Variants in COMMD10 observed in about 807,000 individuals in gnomAD.
The protein encoded by COMMD10 is COMM domain-containing protein 10.
Under a neutral mutation model 28.9 loss-of-function variants are expected in COMMD10, and 33 were observed. That is an observed-to-expected ratio of 1.14 (90% CI 0.87 to 1.53). The LOEUF is 1.53. COMMD10 is among the 40% of genes most tolerant of loss of function. The probability of loss-of-function intolerance (pLI) is 0.00; values close to 1 mark genes in which losing one functional copy is unlikely to be tolerated. For synonymous variants in COMMD10, 110 were observed against 81.7 expected, an observed-to-expected ratio of 1.35 and a Z score of -1.87; for missense variants, 310 against 233.4, an observed-to-expected ratio of 1.33 and a Z score of -2.14.
chr5:116,098,426 C>T (rs772594860), intron 4 of COMMD10, among the ~76,000 whole-genome samples: 3 of 152,138 alleles, frequency 2.0e-5, no homozygotes, highest in Non-Finnish European at 4.4e-5. Flanking sequence ...CCCTGGATTT[C>T]GTATTCATGG....
chr5:116,196,644 A>G (rs1010363294), intron 5 of COMMD10, among the ~76,000 whole-genome samples: 2 of 151,834 alleles, frequency 1.3e-5, no homozygotes, highest in Admixed American at 6.6e-5. Context: ...TTAAAAAAAG[A>G]AAAATGTTTA....
chr5:116,092,520 G>A, intron 3 of COMMD10, 25 bp from the exon 4 acceptor site: 1 of 1,524,080 alleles, frequency 6.6e-7, no homozygotes, highest in Non-Finnish European at 8.8e-7. Flanking sequence ...AGGGACATAT[G>A]TAATTTTTTG....
intron 5 of COMMD10, among the ~76,000 whole-genome samples, chr5:116,143,588 T>A (rs1752257215): frequency 6.6e-6 from 1 of 151,822 alleles, no homozygotes; most frequent in South Asian, 2.1e-4. Context: ...ACAGAATTTT[T>A]AAAACAGAAT....
chr5:116,133,956 C>T, intron 4 of COMMD10, 112 bp from the exon 5 acceptor site: 2 of 637,440 alleles, frequency 3.1e-6, no homozygotes, highest in South Asian at 1.9e-5. Flanking sequence ...AACTGACTTT[C>T]TGTGAAGCCT....
chr5:116,149,611 G>T lies in COMMD10; in HGVS notation c.510+15433G>T, dbSNP rs1580491200. On this transcript the variant is annotated intron_variant, in intron 5 of 6. Coordinates refer to ENST00000274458, the MANE Select transcript of COMMD10 (RefSeq NM_016144.4). ...TTGCATTTGTCTGATGGCCAGTGAT[G>T]GTGAGCATTTTTTCATGTGTGTTTT... Among the ~76,000 whole-genome samples the T allele has an allele frequency of 2.6e-5, 4 of 151,214 alleles. No individual in the cohort carries two copies. In the South Asian group the frequency reaches 8.4e-4, roughly 32 times the overall value.
At chr5:116,149,558 T>A (rs1752449508) in intron 5 of COMMD10, among the ~76,000 whole-genome samples, 2 of 147,364 alleles carry the variant, frequency 1.4e-5, no homozygotes, top group East Asian at 4.0e-4. Context: ...CTAACCGGTG[T>A]GAGATGGTAT....
chr5:116,094,580 A>G (rs1410238473), intron 4 of COMMD10, among the ~76,000 whole-genome samples: 2 of 152,212 alleles, frequency 1.3e-5, no homozygotes, highest in Non-Finnish European at 2.9e-5. Context: ...GGCAATGTAT[A>G]TTAGTACAGC....
chr5:116,127,872 A>C (rs915681235), intron 4 of COMMD10, among the ~76,000 whole-genome samples: 4 of 152,036 alleles, frequency 2.6e-5, no homozygotes, highest in Admixed American at 1.3e-4. Context: ...ACATGTATAC[A>C]TATGTCACAA....
intron 5 of COMMD10, among the ~76,000 whole-genome samples, chr5:116,267,972 G>A (rs1277230090): frequency 6.6e-6 from 1 of 151,784 alleles, no homozygotes; most frequent in Admixed American, 6.6e-5. Flanking sequence ...AGACTTACAT[G>A]TTAGACCTAA....
Position 116,282,590 on chromosome 5 carries a change from G to A in COMMD10, c.511-8927G>A, listed in dbSNP as rs538926424. Among the ~76,000 whole-genome samples, 5 of 151,928 alleles carry A rather than the reference G, an allele frequency of 3.3e-5. No individual in the cohort carries two copies. In the East Asian group the frequency reaches 9.7e-4, roughly 29 times the overall value. On this transcript the variant is annotated intron_variant, in intron 5 of 6. Transcript: ENST00000274458. ...ACCATAACAAAGTAACACAAACGAG[G>A]TAGCTTAAACAACAGAAAATTATTT...
intron 5 of COMMD10, among the ~76,000 whole-genome samples, chr5:116,264,318 A>G (rs957073354): frequency 2.0e-5 from 3 of 151,970 alleles, no homozygotes; most frequent in African/African-American, 7.3e-5. Context: ...ATGAAGGCAC[A>G]AAAGTGTTTA....
At chr5:116,172,334 C>G (rs554069056) in intron 5 of COMMD10, among the ~76,000 whole-genome samples, 1 of 152,132 alleles carries the variant, frequency 6.6e-6, no homozygotes, top group African/African-American at 2.4e-5. Context: ...AAGGAGTACT[C>G]AGACAGAGGG....
chr5:116,148,837 T>G (rs1241560576), intron 5 of COMMD10, among the ~76,000 whole-genome samples: 1 of 149,528 alleles, frequency 6.7e-6, no homozygotes, highest in Non-Finnish European at 1.5e-5. Flanking sequence ...TTTGTATTTG[T>G]TTTTTTGTAT....
intron 5 of COMMD10, among the ~76,000 whole-genome samples, chr5:116,139,235 A>G (rs1752122390): frequency 6.6e-6 from 1 of 151,812 alleles, no homozygotes; most frequent in Non-Finnish European, 1.5e-5. Context: ...TTATTTGACT[A>G]AGTTGAAACA....
chr5:116,238,920 T>C (rs777394176), intron 5 of COMMD10, among the ~76,000 whole-genome samples: 4 of 152,148 alleles, frequency 2.6e-5, no homozygotes, highest in Admixed American at 6.5e-5. Context: ...ATCCTAAATT[T>C]CTTTGAAACT....
At chr5:116,261,054 C>G (rs927912187) in intron 5 of COMMD10, among the ~76,000 whole-genome samples, 2 of 151,622 alleles carry the variant, frequency 1.3e-5, no homozygotes, top group Non-Finnish European at 2.9e-5. Flanking sequence ...AAAGCCAAGT[C>G]CTACTTGAGA....
intron 5 of COMMD10, among the ~76,000 whole-genome samples, chr5:116,166,837 C>T (rs1051040599): frequency 6.6e-5 from 10 of 151,960 alleles, no homozygotes; most frequent in Admixed American, 2.6e-4. Context: ...AAACCCCATC[C>T]GAAGGTCACC....
At chr5:116,240,622 A>G (rs1368530309) in intron 5 of COMMD10, among the ~76,000 whole-genome samples, 1 of 152,186 alleles carries the variant, frequency 6.6e-6, no homozygotes, top group Non-Finnish European at 1.5e-5. Flanking sequence ...GAGAAGTTCC[A>G]TTTTAAGAGT....
intron 5 of COMMD10, among the ~76,000 whole-genome samples, chr5:116,174,372 G>A (rs2112586333): frequency 6.6e-6 from 1 of 152,210 alleles, no homozygotes; most frequent in South Asian, 2.1e-4. Flanking sequence ...ATTCTGTATT[G>A]CCTTATAGGA....
Sources: allele counts gnomAD v4.1 joint callset (sites outside exome capture counted in the v4.1 genomes callset), GRCh38; gene constraint gnomAD v4.1.1; transcripts MANE v1.5; gene names NCBI Gene and HGNC (gene_info 2026-07-23, HGNC 2026-07-21).